Variants in EXPH5 observed in about 807,000 individuals in gnomAD.
EXPH5 encodes exophilin 5, also known as exophilin-5.
In EXPH5, 42 loss-of-function variants were observed where a neutral mutation model predicts 41.1. The ratio of observed to expected loss-of-function variants is 1.02; its 90% CI spans 0.80 to 1.32. The LOEUF (loss-of-function observed/expected upper bound fraction) is 1.32, where lower values mean the gene tolerates loss of function less well. Ranked by LOEUF, EXPH5 falls within the 40% of genes most tolerant of loss-of-function variation. The pLI is 0.00. For synonymous variants in EXPH5, 798 were observed against 833.5 expected (o/e 0.96, Z 0.73); for missense variants, 2,298 against 2,314.5 (o/e 0.99, Z 0.15).
chr11:108,583,820 G>A (rs1442426294), intron 1 of EXPH5, among the ~76,000 whole-genome samples: 1 of 151,976 alleles, frequency 6.6e-6, no homozygotes, highest in East Asian at 1.9e-4. Context: ...GTCAATATTA[G>A]GCAAGAAAAA....
intron 4 of EXPH5, among the ~76,000 whole-genome samples, chr11:108,522,596 A>G (rs1192849199): frequency 1.3e-5 from 2 of 152,164 alleles, no homozygotes; most frequent in South Asian, 2.1e-4. Context: ...TTATTAGTGC[A>G]TTAAATCCTT....
At chr11:108,515,964 C>G (rs951278961) in intron 5 of EXPH5, among the ~76,000 whole-genome samples, 5 of 148,492 alleles carry the variant, frequency 3.4e-5, no homozygotes, top group African/African-American at 1.2e-4. Flanking sequence ...CTCAGCTACT[C>G]GGGAGGCTGA....
intron 3 of EXPH5, among the ~76,000 whole-genome samples, chr11:108,534,227 A>G (rs1331334167): frequency 6.6e-6 from 1 of 152,236 alleles, no homozygotes; most frequent in East Asian, 1.9e-4. Context: ...TCATCAATGG[A>G]TGCATGTACA....
In EXPH5 at chr11:108,512,857, G is replaced by GTTGATTCCTCATC. The variant is rs754527594; in HGVS notation, c.2649_2650insGATGAGGAATCAA (p.Leu884AspfsTer17). ...TTCTTTGATGGTGAGGAATCTGGTAGTGCAGCTGATGACAGATCTAAAGAA... is the reference window on the plus strand; with the variant it reads ...TTCTTTGATGGTGAGGAATCTGGTAGTTGATTCCTCATCTGCAGCTGATGACAGATCTAAAGAA... On this transcript the variant is annotated frameshift_variant, in exon 6 of 6. Coordinates refer to ENST00000265843, the MANE Select transcript of EXPH5 (RefSeq NM_015065.3). LOFTEE classifies it low-confidence loss of function (END_TRUNC). 1.3e-5 allele frequency: 21 copies of GTTGATTCCTCATC among 1,614,060 alleles called. No individual in the cohort carries two copies. Among genetic ancestry groups the GTTGATTCCTCATC allele is most frequent in the Non-Finnish European group, 1.8e-5 (21 of 1,180,000 alleles).
chr11:108,576,854 C>T lies in EXPH5; in HGVS notation c.119+16564G>A, dbSNP rs141637445. 1.7e-3 allele frequency among the ~76,000 whole-genome samples: 254 copies of T among 152,198 alleles called. 1 individual carries two copies. In the Middle Eastern group the frequency reaches 0.044, roughly 26 times the overall value. On this transcript the variant is annotated intron_variant, in intron 1 of 5. Coordinates refer to ENST00000265843, the MANE Select transcript of EXPH5 (RefSeq NM_015065.3). ...CCTTCTATCTAACTGTATTTTTGTG[C>T]CTTCTAGCCAAGTCCTTTTCATCCT...
chr11:108,575,286 C>A (rs1000946853), intron 1 of EXPH5, among the ~76,000 whole-genome samples: 1 of 152,180 alleles, frequency 6.6e-6, no homozygotes, highest in Non-Finnish European at 1.5e-5. Flanking sequence ...AAAACAAAGG[C>A]CTTCCCGCAC....
chr11:108,509,817 A>G lies in EXPH5; in HGVS notation c.5690T>C (p.Phe1897Ser), dbSNP rs1395076658. The change falls in exon 6 of 6, where the codon TTC becomes TCC. Residue 1897 changes from phenylalanine (F) to serine (S), a missense_variant. By Grantham distance (155) the Phe-to-Ser change is radical. Transcript: ENST00000265843. The stretch of plus-strand genomic sequence containing the variant: ...AAGTGACCTCTTTACATTTTCTAAG[A>G]AAGCTAACTGTTGTTCTTTCCCAAA... ...GIFGKEQQLA[F>S]LENVKRSLTQ... The G allele has an allele frequency of 6.2e-7, 1 of 1,613,670 alleles. No individual in the cohort carries two copies. The highest frequency in any genetic ancestry group is 1.7e-5 in the Admixed American group (1 of 59,924).
intron 1 of EXPH5, among the ~76,000 whole-genome samples, chr11:108,583,680 T>A (rs11212719): frequency 0.41 from 61,122 of 147,318 alleles, 12,708 homozygotes; most frequent in Middle Eastern, 0.56. Context: ...AACAAAAAAA[T>A]AAAAATAAAA....
chr11:108,606,199 A>G, the EXPH5 span, among the ~76,000 whole-genome samples: 1 of 152,024 alleles, frequency 6.6e-6, no homozygotes, highest in Non-Finnish European at 1.5e-5. Context: ...CAGCCTCACC[A>G]TTACCTTCTA....
rs1483749862 is a variant in EXPH5 at position 108,583,371 on chromosome 11, C to CA, written c.119+10046dup. Among the ~76,000 whole-genome samples, 266 of 132,510 alleles carry CA rather than the reference C, an allele frequency of 2.0e-3. 3 individuals carry two copies. The highest frequency in any genetic ancestry group is 5.4e-3 in the African/African-American group (188 of 34,920). The allele number at this position is 132,510 out of a possible 152,430, so 86.9% of individuals were successfully genotyped here. ...TGGGCGATAGAGTGAGATTCTGTCT[C>CA]AAAAAAAAAAATAAAAAAAAAAATA... On this transcript the variant is annotated intron_variant, in intron 1 of 5. Coordinates refer to ENST00000265843, the MANE Select transcript of EXPH5 (RefSeq NM_015065.3).
At chr11:108,532,473 C>A (rs1459957837) in intron 3 of EXPH5, among the ~76,000 whole-genome samples, 1 of 141,330 alleles carries the variant, frequency 7.1e-6, no homozygotes, top group Non-Finnish European at 1.5e-5. Context: ...CCTTGACCTC[C>A]TAAAGTGTTG....
chr11:108,593,851 CTCGT>C, upstream of EXPH5: 2 of 1,054,360 alleles, frequency 1.9e-6, no homozygotes, highest in Non-Finnish European at 2.8e-6. Context: ...CCTCCCTCGT[CTCGT>C]CCCGTCCCTC....
chr11:108,530,379 T>C (rs2093829411), intron 3 of EXPH5, among the ~76,000 whole-genome samples: 1 of 152,112 alleles, frequency 6.6e-6, no homozygotes, highest in African/African-American at 2.4e-5. Context: ...AGTCAAGACT[T>C]GATAAGGACG....
At position 108,539,062 on chromosome 11, in the gene EXPH5, T is replaced by C. The variant is rs761998245; in HGVS notation, c.405A>G (p.Gly135=). 6.2e-7 allele frequency: 1 copy of C among 1,607,442 alleles called. No individual in the cohort carries two copies. Among genetic ancestry groups the C allele is most frequent in the African/African-American group, 1.3e-5 (1 of 74,850 alleles). ...FASLFSFRKS[G]KETSKLPSLG... ...GTGATGGAAGCTTTGAAGTCTCCTT[T>C]CCAGATTTCCTGAATGAGAACAGGG... is the stretch of plus-strand genomic sequence containing the variant. The change falls in exon 3 of 6, where the codon GGA becomes GGG. Residue 135 remains glycine, a synonymous_variant. Transcript: ENST00000265843.
rs147424019 is a variant in EXPH5, at chr11:108,574,887, G to A, written c.119+18531C>T. 3.7e-3 allele frequency among the ~76,000 whole-genome samples: 557 copies of A among 152,278 alleles called. 8 individuals carry two copies. The highest frequency in any genetic ancestry group is 0.013 in the African/African-American group (534 of 41,544). The stretch of plus-strand genomic sequence containing the variant: ...TCCTTTTTCTTTCTGCCTCGAATAT[G>A]AATGTGATGTCTGGAGCAGCTGCAG... On this transcript the variant is annotated intron_variant, in intron 1 of 5. Coordinates refer to ENST00000265843, the MANE Select transcript of EXPH5 (RefSeq NM_015065.3).
At chr11:108,541,514 T>C in intron 2 of EXPH5, 138 bp downstream of exon 2, 1 of 552,532 alleles carries the variant, frequency 1.8e-6, no homozygotes, top group Non-Finnish European at 3.1e-6. Flanking sequence ...TATATTGTAT[T>C]ATAAACTTTT....
intron 1 of EXPH5, among the ~76,000 whole-genome samples, chr11:108,543,555 G>A (rs1482624913): frequency 6.6e-6 from 1 of 152,148 alleles, no homozygotes; most frequent in Non-Finnish European, 1.5e-5. Flanking sequence ...CTCAGCAGCT[G>A]TTATCCTTTG....
chr11:108,520,992 T>C (rs1340968288), intron 4 of EXPH5, among the ~76,000 whole-genome samples: 1 of 152,216 alleles, frequency 6.6e-6, no homozygotes, highest in Non-Finnish European at 1.5e-5. Context: ...GCCTTCACTT[T>C]CTTGTGCCAA....
At chr11:108,585,990 G>A (rs1294111632) in intron 1 of EXPH5, among the ~76,000 whole-genome samples, 1 of 152,154 alleles carries the variant, frequency 6.6e-6, no homozygotes, top group Non-Finnish European at 1.5e-5. Context: ...CCATACTGGA[G>A]TGCAGTGGCA....
Sources: gnomAD v4.1 joint callset for allele counts (sites outside exome capture counted in the v4.1 genomes callset) on GRCh38, gnomAD v4.1.1 for gene constraint, MANE v1.5 for transcripts, NCBI Gene and HGNC (gene_info 2026-07-23, HGNC 2026-07-21) for gene names.